Variants in FHIT observed in about 807,000 individuals in gnomAD.
The protein encoded by FHIT is fragile histidine triad diadenosine triphosphatase.
FHIT carries 19 observed loss-of-function variants against 17.9 expected under a neutral mutation model. The observed-to-expected ratio is 1.06, with a 90% confidence interval of 0.74 to 1.56. The LOEUF (loss-of-function observed/expected upper bound fraction) is 1.56. Ranked by LOEUF, FHIT falls within the 40% of genes most tolerant of loss-of-function variation. The pLI is 0.00. For missense variants in FHIT, 248 were observed against 189.2 expected (o/e 1.31, Z -1.82); for synonymous variants, 81 against 69.7 (o/e 1.16, Z -0.81).
intron 5 of FHIT, among the ~76,000 whole-genome samples, chr3:60,321,839 G>A (rs1314414365): frequency 6.6e-6 from 1 of 152,224 alleles, no homozygotes; most frequent in East Asian, 1.9e-4. Context: ...CCTTCTTGAA[G>A]CATCTTCAGT....
intron 4 of FHIT, among the ~76,000 whole-genome samples, chr3:60,622,112 T>C (rs1391685479): frequency 2.6e-5 from 4 of 152,086 alleles, no homozygotes; most frequent in South Asian, 2.1e-4. Flanking sequence ...GATGACTCAA[T>C]GATTGGTGAT....
intron 5 of FHIT, among the ~76,000 whole-genome samples, chr3:60,219,528 G>A (rs1005080280): frequency 6.6e-5 from 10 of 152,000 alleles, no homozygotes; most frequent in South Asian, 2.1e-4. Flanking sequence ...ATTGAGTAAC[G>A]AACTTTGAAC....
Position 60,014,043 on chromosome 3 carries a change from T to G in FHIT, c.213A>C (p.Lys71Asn). The G allele has an allele frequency of 1.9e-6, 3 of 1,613,844 alleles. No homozygotes were observed. The highest frequency in any genetic ancestry group is 2.5e-6 in the Non-Finnish European group (3 of 1,179,872). The part of the protein sequence containing the change: ...TTQRVGTVVE[K>N]HFHGTSLTFS... Reference sequence around the variant, plus strand: ...AGGTGAGAGAGGTCCCATGGAAATGTTTTTCCACCACTGTCCCGACTCTCT... The same window carrying G: ...AGGTGAGAGAGGTCCCATGGAAATGGTTTTCCACCACTGTCCCGACTCTCT... The change falls in exon 6 of 10, where the codon AAA becomes AAC. Residue 71 changes from lysine (K) to asparagine (N), a missense_variant. Coordinates refer to ENST00000492590, the MANE Select transcript of FHIT (RefSeq NM_002012.4).
intron 7 of FHIT, among the ~76,000 whole-genome samples, chr3:59,932,168 C>A (rs75617720): frequency 5.5e-4 from 84 of 152,236 alleles, no homozygotes; most frequent in Non-Finnish European, 1.0e-3. Context: ...TCAATTTCCC[C>A]CATCTTCCAC....
chr3:60,112,817 C>G (rs1448719959), intron 5 of FHIT, among the ~76,000 whole-genome samples: 1 of 152,150 alleles, frequency 6.6e-6, no homozygotes, highest in Admixed American at 6.5e-5. Flanking sequence ...CTGCCACAGC[C>G]TTTGATATGT....
chr3:60,291,204 G>C (rs75026771), intron 5 of FHIT, among the ~76,000 whole-genome samples: 4,522 of 152,088 alleles, frequency 0.03, 96 homozygotes, highest in African/African-American at 0.059. Context: ...ATGGGTTGCC[G>C]GTCCACAGGG....
At chr3:60,351,717 G>A (rs1016536178) in intron 5 of FHIT, among the ~76,000 whole-genome samples, 2 of 152,274 alleles carry the variant, frequency 1.3e-5, no homozygotes, top group Admixed American at 6.5e-5. Context: ...GGGGCCTTGT[G>A]AAAATCTAGA....
At chr3:61,147,705 C>T (rs140651254) in intron 2 of FHIT, among the ~76,000 whole-genome samples, 210 of 152,040 alleles carry the variant, frequency 1.4e-3, no homozygotes, top group African/African-American at 4.9e-3. Flanking sequence ...AATGATTCCC[C>T]TACAGTGGCA....
chr3:60,108,726 T>A (rs530105125), intron 5 of FHIT, among the ~76,000 whole-genome samples: 1 of 151,848 alleles, frequency 6.6e-6, no homozygotes, highest in East Asian at 1.9e-4. Flanking sequence ...TCCAATGGCT[T>A]GACCTCAGCT....
chr3:59,805,607 C>T (rs1408933571), intron 8 of FHIT, among the ~76,000 whole-genome samples: 1 of 152,126 alleles, frequency 6.6e-6, no homozygotes, highest in Admixed American at 6.6e-5. Context: ...GAAGCTCCAC[C>T]TTCAAAGTTT....
rs551586884 is a variant in FHIT at position 60,522,404 on chromosome 3, C to T, written c.103+14456G>A. On this transcript the variant is annotated intron_variant, in intron 5 of 9. Transcript: ENST00000492590. ...GGATTACAGGCATGAGTCACTATGC[C>T]CAGCCAGAAACAACCATAATTTCTT... Among the ~76,000 whole-genome samples, 99 of 152,302 alleles carry T rather than the reference C, an allele frequency of 6.5e-4. 1 individual carries two copies. Among genetic ancestry groups the T allele is most frequent in the Admixed American group, 3.1e-3 (47 of 15,300 alleles).
chr3:60,944,805 G>C lies in FHIT; in HGVS notation c.-111+97242C>G, dbSNP rs542291029. 3.3e-5 allele frequency among the ~76,000 whole-genome samples: 5 copies of C among 152,236 alleles called. No individual in the cohort carries two copies. In the East Asian group the frequency reaches 9.7e-4, roughly 29 times the overall value. On this transcript the variant is annotated intron_variant, in intron 3 of 9. Coordinates refer to ENST00000492590, the MANE Select transcript of FHIT (RefSeq NM_002012.4). ...CATCATGTGGCTCTGAGTAGTAGAG[G>C]CATGCCAAATTAAGAGTCTTTGCCA...
intron 5 of FHIT, among the ~76,000 whole-genome samples, chr3:60,446,122 G>C (rs1006744676): frequency 6.6e-6 from 1 of 152,098 alleles, no homozygotes; most frequent in Non-Finnish European, 1.5e-5. Context: ...AGGGACAATG[G>C]AGTTCTTGAG....
intron 7 of FHIT, among the ~76,000 whole-genome samples, chr3:59,999,555 C>G (rs1426491057): frequency 6.6e-6 from 1 of 152,098 alleles, no homozygotes; most frequent in Non-Finnish European, 1.5e-5. Context: ...AGTGGATGAT[C>G]TAGTGGAACG....
intron 4 of FHIT, among the ~76,000 whole-genome samples, chr3:60,656,538 G>A (rs1215441185): frequency 1.3e-5 from 2 of 152,114 alleles, no homozygotes; most frequent in African/African-American, 4.8e-5. Context: ...TCTCTCCAAA[G>A]GGAATGGAGG....
intron 5 of FHIT, among the ~76,000 whole-genome samples, chr3:60,128,385 C>A (rs1362586788): frequency 6.6e-6 from 1 of 152,166 alleles, no homozygotes; most frequent in African/African-American, 2.4e-5. Context: ...CCTGCCATCA[C>A]GTGAAGAAGG....
intron 5 of FHIT, among the ~76,000 whole-genome samples, chr3:60,461,113 A>T (rs1434276846): frequency 6.6e-6 from 1 of 152,116 alleles, no homozygotes; most frequent in Non-Finnish European, 1.5e-5. Flanking sequence ...ACTAATAAAA[A>T]TTTTTTCTTC....
intron 4 of FHIT, among the ~76,000 whole-genome samples, chr3:60,573,188 G>A (rs186751488): frequency 6.6e-5 from 10 of 152,228 alleles, no homozygotes; most frequent in Non-Finnish European, 1.2e-4. Context: ...AGGCCTGGAT[G>A]GAATGCAATC....
intron 4 of FHIT, among the ~76,000 whole-genome samples, chr3:60,611,998 C>G (rs1246491244): frequency 6.6e-6 from 1 of 152,140 alleles, no homozygotes; most frequent in Non-Finnish European, 1.5e-5. Flanking sequence ...AAACTCTCAG[C>G]AGGATGTCCC....
Sources: allele counts gnomAD v4.1 joint callset (sites outside exome capture counted in the v4.1 genomes callset), GRCh38; gene constraint gnomAD v4.1.1; transcripts MANE v1.5; gene names NCBI Gene and HGNC (gene_info 2026-07-23, HGNC 2026-07-21).